Variants in ZNF581 observed in about 807,000 individuals in gnomAD.
ZNF581 encodes the protein zinc finger protein 581.
A neutral mutation model predicts 1.2 loss-of-function variants in ZNF581; 1 was observed. The observed-to-expected ratio is 0.83, with a 90% CI of 0.30 to 3.95. The LOEUF is 3.95. ZNF581 is among the 30% of genes most tolerant of loss of function. ZNF581 has a pLI of 0.18. For synonymous variants in ZNF581, 105 were observed against 109.2 expected, an observed-to-expected ratio of 0.96 and a Z score of 0.24; for missense variants, 273 against 274.6, an observed-to-expected ratio of 0.99 and a Z score of 0.04.
chr19:55,644,697 C>T lies in ZNF581; in HGVS notation c.126C>T (p.Pro42=), dbSNP rs944659711. The change falls in exon 2 of 2, where the codon CCC becomes CCT. Residue 42 remains proline (P), a synonymous_variant. Coordinates refer to ENST00000270451, the MANE Select transcript of ZNF581 (RefSeq NM_016535.4). The surrounding 1 kb of genome is among the most constrained non-coding windows in gnomAD (Gnocchi z 4.3). ...GACCTTCCTCCTCCATCGGATCTCCCCAGGCTTCATCTCCTCCAAGGCCCA... is the reference window on the plus strand; with the variant it reads ...GACCTTCCTCCTCCATCGGATCTCCTCAGGCTTCATCTCCTCCAAGGCCCA... The part of the protein sequence containing the change: ...EPGPSSSIGS[P]QASSPPRPNH... The T allele has an allele frequency of 6.2e-7, 1 of 1,613,736 alleles. No individual in the cohort carries two copies. Among genetic ancestry groups the T allele is most frequent in the Non-Finnish European group, 8.5e-7 (1 of 1,179,844 alleles).
chr19:55,644,462 G>C lies in ZNF581; in HGVS notation c.-19-91G>C. ...AGGGGCAGCAGGATGCAGAGGTCCT[G>C]GGCCGGGTATAGGGAGGGAAAAGGA... is the stretch of plus-strand genomic sequence containing the variant. On this transcript the variant is annotated intron_variant, in intron 1 of 1. Transcript: ENST00000270451. This position sits in a 1 kb window ranked among gnomAD's most constrained non-coding sequence, Gnocchi z 4.3. The C allele has an allele frequency of 1.2e-6, 1 of 811,756 alleles. No individual in the cohort carries two copies. Among genetic ancestry groups the C allele is most frequent in the Non-Finnish European group, 1.9e-6 (1 of 527,106 alleles). The allele number at this position is 811,756 out of a possible 1,614,324, so 50.3% of individuals were successfully genotyped here. A position where few individuals can be genotyped will look rare whatever the true frequency, so the allele number is the denominator to read the frequency against.
chr19:55,642,485 C>T (rs1396061057), upstream of ZNF581: 3 of 1,423,938 alleles, frequency 2.1e-6, no homozygotes, highest in South Asian at 3.3e-5. Flanking sequence ...ATCTCCCCTC[C>T]GCCGCTCCCA....
chr19:55,639,859 C>T (rs752544380), upstream of ZNF581, among the ~76,000 whole-genome samples: 4 of 152,158 alleles, frequency 2.6e-5, no homozygotes, highest in Admixed American at 1.3e-4. Context: ...TCAGGTGATC[C>T]GCCCGCCTTG....
chr19:55,644,922 T>C lies in ZNF581; in HGVS notation c.351T>C (p.Cys117=), dbSNP rs1318022016. 1.2e-6 allele frequency: 2 copies of C among 1,613,720 alleles called. No homozygotes were observed. The highest frequency in any genetic ancestry group is 3.3e-5 in the Admixed American group (2 of 60,020). The change falls in exon 2 of 2, where the codon TGT becomes TGC. Residue 117 remains cysteine (C), a synonymous_variant. Coordinates refer to ENST00000270451, the MANE Select transcript of ZNF581 (RefSeq NM_016535.4). The surrounding 1 kb of genome is among the most constrained non-coding windows in gnomAD (Gnocchi z 4.3). ...ITHSEVKPFE[C]DICGKAFKRA... is the part of the protein sequence containing the mutation. Reference sequence around the variant, plus strand: ...ACTCGGAGGTAAAGCCCTTCGAGTGTGACATCTGTGGGAAGGCATTCAAGC... The same window carrying C: ...ACTCGGAGGTAAAGCCCTTCGAGTGCGACATCTGTGGGAAGGCATTCAAGC...
In ZNF581 at chr19:55,644,800, G is replaced by A. The variant is rs775194868; in HGVS notation, c.229G>A (p.Ala77Thr). 3 of 1,612,778 alleles carry A rather than the reference G, an allele frequency of 1.9e-6. No individual in the cohort carries two copies. In the South Asian group the frequency reaches 3.3e-5, roughly 18 times the overall value. The stretch of plus-strand genomic sequence containing the variant: ...CGAGGAGTCACAGAGGGAGCCAGGG[G>A]CCAGTGGGGCTCCAGGCCAGAAAAA... ...VDEESQREPG[A>T]SGAPGQKKCY... Residue 77 changes from alanine (A) to threonine (T), a missense_variant, in exon 2 of 2, where the codon GCC becomes ACC. Ala to Thr is a moderately conservative substitution (Grantham distance 58, BLOSUM62 0). Transcript: ENST00000270451. This position sits in a 1 kb window ranked among gnomAD's most constrained non-coding sequence, Gnocchi z 4.3.
upstream of ZNF581, chr19:55,641,091 G>A: frequency 2.0e-6 from 2 of 985,264 alleles, no homozygotes; most frequent in Non-Finnish European, 2.4e-6. Flanking sequence ...CTGCCCGGAA[G>A]TCTCGGTTCC....
upstream of ZNF581, among the ~76,000 whole-genome samples, chr19:55,641,572 G>C (rs1982482254): frequency 6.6e-6 from 1 of 152,166 alleles, no homozygotes; most frequent in Admixed American, 6.5e-5. Flanking sequence ...GGAGGGGAAA[G>C]TGGGCTTGGG....
upstream of ZNF581, among the ~76,000 whole-genome samples, chr19:55,639,019 A>C (rs988988216): frequency 6.6e-6 from 1 of 150,896 alleles, no homozygotes; most frequent in South Asian, 2.1e-4. Context: ...AAAAAAAAAA[A>C]AAAAAGAAAA....
At chr19:55,642,728 C>A, upstream of ZNF581, 1 of 1,512,880 alleles carries the variant, frequency 6.6e-7, no homozygotes, top group South Asian at 1.2e-5. Context: ...GGAGGAGCCC[C>A]GGGGCCCGCC....
At chr19:55,639,927 A>G (rs1982343313), upstream of ZNF581, among the ~76,000 whole-genome samples, 1 of 152,196 alleles carries the variant, frequency 6.6e-6, no homozygotes, top group African/African-American at 2.4e-5. Context: ...TGGGAAATGT[A>G]ATACAATTTA....
upstream of ZNF581, chr19:55,642,900 G>A (rs1475057091): frequency 1.3e-6 from 2 of 1,546,794 alleles, no homozygotes; most frequent in African/African-American, 1.4e-5. Context: ...GCCTTCAAGC[G>A]CTCCAGCCAC....
chr19:55,642,549 CCTCT>C (rs758343511), upstream of ZNF581: 1 of 1,454,700 alleles, frequency 6.9e-7, no homozygotes, highest in African/African-American at 1.5e-5. Context: ...CCTCGGTCCT[CCTCT>C]CCGGAGGCCA....
chr19:55,641,527 C>T (rs1982477827), upstream of ZNF581, among the ~76,000 whole-genome samples: 1 of 151,946 alleles, frequency 6.6e-6, no homozygotes, highest in South Asian at 2.1e-4. Context: ...GAGGTGAACA[C>T]GAGGAGAAAG....
At chr19:55,643,311 C>T (rs566522309), upstream of ZNF581, 1 of 400,508 alleles carries the variant, frequency 2.5e-6, no homozygotes, top group Admixed American at 4.6e-5. Flanking sequence ...GTGACATGAC[C>T]TCTCTAAACC....
At chr19:55,642,586 T>TCC, upstream of ZNF581, 1 of 1,405,362 alleles carries the variant, frequency 7.1e-7, no homozygotes, top group Non-Finnish European at 9.3e-7. Flanking sequence ...CCCCCAAGGC[T>TCC]CCCCCTTTCC....
upstream of ZNF581, among the ~76,000 whole-genome samples, chr19:55,639,895 G>A (rs1318020977): frequency 6.6e-6 from 1 of 152,220 alleles, no homozygotes; most frequent in Non-Finnish European, 1.5e-5. Flanking sequence ...GGGGTTACAG[G>A]TGTGAGCCAC....
At chr19:55,640,109 C>A (rs1280714991), upstream of ZNF581, 2 of 985,152 alleles carry the variant, frequency 2.0e-6, no homozygotes, top group Non-Finnish European at 2.4e-6. Context: ...TACTCCTCTT[C>A]TGTCCCCCAC....
At chr19:55,640,424 T>G, upstream of ZNF581, 4 of 985,472 alleles carry the variant, frequency 4.1e-6, no homozygotes, top group Non-Finnish European at 4.8e-6. Context: ...TCGCTGCGCT[T>G]CGGTGTCGCC....
At chr19:55,642,951 C>G (rs1011418789), upstream of ZNF581, 8 of 1,427,962 alleles carry the variant, frequency 5.6e-6, no homozygotes, top group South Asian at 1.5e-5. Flanking sequence ...CGCGCCGGGC[C>G]GCCGCACACC....
Sources: gnomAD v4.1 joint callset for allele counts (sites outside exome capture counted in the v4.1 genomes callset) on GRCh38, gnomAD v4.1.1 for gene constraint, Gnocchi (gnomAD v3.1) non-coding constraint, MANE v1.5 for transcripts, NCBI Gene and HGNC (gene_info 2026-07-23, HGNC 2026-07-21) for gene names.